Variants in BIRC6 observed in about 807,000 individuals in gnomAD.
BIRC6 encodes the protein baculoviral IAP repeat containing 6, also known as dual E2 ubiquitin-conjugating enzyme/E3 ubiquitin-protein ligase BIRC6.
Under a neutral mutation model 503.3 loss-of-function variants are expected in BIRC6, and 98 were observed. That is an observed-to-expected ratio of 0.19 (90% CI 0.17 to 0.23). The LOEUF is 0.23. Among genes scored for constraint, BIRC6 ranks in the 10% least tolerant of loss-of-function variants. The pLI, the probability that BIRC6 is intolerant of heterozygous loss-of-function variation, is 1.00. For missense variants in BIRC6, 5,360 were observed against 5,806.0 expected (o/e 0.92, Z 2.50); for synonymous variants, 2,240 against 2,078.7 (o/e 1.08, Z -2.11).
At chr2:32,490,456 A>G (rs1299015728) in intron 43 of BIRC6, among the ~76,000 whole-genome samples, 1 of 152,148 alleles carries the variant, frequency 6.6e-6, no homozygotes, top group Admixed American at 6.5e-5. Flanking sequence ...AATCACTTGA[A>G]CCTGGAAGGC....
chr2:32,367,909 A>G (rs966341340), intron 1 of BIRC6, among the ~76,000 whole-genome samples: 1 of 152,172 alleles, frequency 6.6e-6, no homozygotes, highest in Non-Finnish European at 1.5e-5. Flanking sequence ...TACTATGTTT[A>G]CTTTTTAGAG....
chr2:32,442,286 G>A lies in BIRC6; in HGVS notation c.4107-38G>A, dbSNP rs191860438. 549 of 1,609,554 alleles carry A rather than the reference G, an allele frequency of 3.4e-4. 3 individuals are homozygous for A. Among genetic ancestry groups the A allele is most frequent in the East Asian group, 1.3e-4 (6 of 44,830 alleles). On this transcript the variant is annotated intron_variant, in intron 18 of 73. Coordinates refer to ENST00000421745, the MANE Select transcript of BIRC6 (RefSeq NM_016252.4). ...TGCCTTTTAGATGTTATGATTGAAA[G>A]TTCAGGATGAGTCTAAATGTCTGCT...
In BIRC6 at chr2:32,464,999, A is replaced by G. The variant is rs2048369434; in HGVS notation, c.5257-66A>G. On this transcript the variant is annotated intron_variant, in intron 25 of 73. Coordinates refer to ENST00000421745, the MANE Select transcript of BIRC6 (RefSeq NM_016252.4). The stretch of plus-strand genomic sequence containing the variant: ...AACTTATTAATTTGCTATTATGGTT[A>G]GTAGTTTTTATAGAACTATAGTAAT... The G allele has an allele frequency of 5.3e-6, 7 of 1,318,692 alleles. No individual in the cohort carries two copies. The South Asian group carries it at 8.4e-5, about 16-fold the overall frequency. 81.7% of individuals were successfully genotyped at this position (1,318,692 alleles called of 1,614,324 possible).
intron 22 of BIRC6, among the ~76,000 whole-genome samples, chr2:32,451,188 A>G (rs938357715): frequency 6.6e-6 from 1 of 152,208 alleles, no homozygotes; most frequent in African/African-American, 2.4e-5. Flanking sequence ...TCCTTAGAGT[A>G]CTTTTCAGGT....
At chr2:32,574,621 A>G (rs2060139299) in intron 65 of BIRC6, 1 of 159,880 alleles carries the variant, frequency 6.3e-6, no homozygotes. Context: ...AAAAGTCTTC[A>G]TACTCAGAGT....
rs1038685391 is a variant in BIRC6 at position 32,402,645 on chromosome 2, A to G, written c.1418+1022A>G. On this transcript the variant is annotated intron_variant, in intron 8 of 73. Coordinates refer to ENST00000421745, the MANE Select transcript of BIRC6 (RefSeq NM_016252.4). ...AAAGCCTTGTGGTTGTTCTATTAAT[A>G]TAAATCTCTGTGAAAGCTTAATGGG... 5.3e-5 allele frequency among the ~76,000 whole-genome samples: 8 copies of G among 152,354 alleles called. No homozygotes were observed. In the South Asian group the frequency reaches 1.7e-3, roughly 32 times the overall value.
Position 32,545,677 on chromosome 2 carries a change from T to A in BIRC6, c.12627T>A (p.Leu4209=). ...TTCAATCTCCATCAGCCAATGTGCT[T>A]CCAACCCTTCCTTTCCACGTCCTTC... ...HILQSPSANV[L]PTLPFHVLRS... is the part of the protein sequence containing the mutation. The change falls in exon 63 of 74, where the codon CTT becomes CTA. Residue 4209 remains leucine, a synonymous_variant. Transcript: ENST00000421745. 1 of 1,613,900 alleles carries A rather than the reference T, an allele frequency of 6.2e-7. No individual in the cohort carries two copies. Among genetic ancestry groups the A allele is most frequent in the Non-Finnish European group, 8.5e-7 (1 of 1,179,798 alleles).
At chr2:32,510,993 T>A (rs191363794) in intron 53 of BIRC6, among the ~76,000 whole-genome samples, 1 of 152,178 alleles carries the variant, frequency 6.6e-6, no homozygotes, top group Non-Finnish European at 1.5e-5. Context: ...TATGTGTATA[T>A]GAATGTAGGG....
At chr2:32,549,609 T>C (rs985697370) in intron 65 of BIRC6, 128 bp downstream of exon 65, 10 of 919,860 alleles carry the variant, frequency 1.1e-5, no homozygotes, top group Non-Finnish European at 1.5e-5. Context: ...TGGAAATATT[T>C]AGTTGGTTTT....
At chr2:32,525,770 C>G in intron 59 of BIRC6, 142 bp downstream of exon 59, 1 of 756,500 alleles carries the variant, frequency 1.3e-6, no homozygotes, top group Non-Finnish European at 2.1e-6. Context: ...CCATACAGTT[C>G]CTCCGAAGAG....
At chr2:32,446,553 G>C (rs2045962992) in intron 21 of BIRC6, among the ~76,000 whole-genome samples, 1 of 152,004 alleles carries the variant, frequency 6.6e-6, no homozygotes, top group Admixed American at 6.6e-5. Context: ...TCACGGGAGA[G>C]AATGGTGCCT....
At chr2:32,358,646 A>C in intron 1 of BIRC6, among the ~76,000 whole-genome samples, 1 of 152,250 alleles carries the variant, frequency 6.6e-6, no homozygotes, top group East Asian at 1.9e-4. Flanking sequence ...AACAAGGAAA[A>C]GTTTACTATG....
intron 43 of BIRC6, 143 bp from the exon 44 acceptor site, chr2:32,491,282 T>G (rs565925663): frequency 1.3e-6 from 1 of 776,476 alleles, no homozygotes; most frequent in Admixed American, 3.1e-5. Flanking sequence ...TTAGTCAATA[T>G]AGTAGAAACT....
intron 1 of BIRC6, among the ~76,000 whole-genome samples, chr2:32,377,215 G>A (rs1426745335): frequency 2.0e-4 from 22 of 112,054 alleles, no homozygotes; most frequent in African/African-American, 7.6e-4. Context: ...TAATATATAT[G>A]TGTGTGTGTG....
rs2062876736 is a variant in BIRC6 at position 32,611,600 on chromosome 2, A to AC, written c.14394+19dup. On this transcript the variant is annotated intron_variant, in intron 73 of 73. Coordinates refer to ENST00000421745, the MANE Select transcript of BIRC6 (RefSeq NM_016252.4). ...CTCTCAAGGTGAGTAAGCCTCTCTA[A>AC]CAGGAGCCTTGTTGCTTTAAGAGTT... is the stretch of plus-strand genomic sequence containing the variant. 1.3e-6 allele frequency: 2 copies of AC among 1,537,318 alleles called. No homozygotes were observed. The highest frequency in any genetic ancestry group is 2.6e-5 in the South Asian group (2 of 77,380).
At chr2:32,509,674 A>G in intron 51 of BIRC6, 64 bp from the exon 52 acceptor site, 1 of 1,568,970 alleles carries the variant, frequency 6.4e-7, no homozygotes, top group South Asian at 1.1e-5. Flanking sequence ...TTAAAAAGTT[A>G]TGTTCTACCC....
At position 32,523,682 on chromosome 2, in the gene BIRC6, G is replaced by C. The variant is rs572247514; in HGVS notation, c.11624-1206G>C. On this transcript the variant is annotated intron_variant, in intron 57 of 73. Coordinates refer to ENST00000421745, the MANE Select transcript of BIRC6 (RefSeq NM_016252.4). ...CTGTAAAATGAGAGTTATTACAAAA[G>C]ATGTTGTTTATTGTTTTATTGTCTC... 5 of 152,272 alleles carry C rather than the reference G, an allele frequency of 3.3e-5. No individual in the cohort carries two copies. In the East Asian group the frequency reaches 9.6e-4, roughly 29 times the overall value. The allele number at this position is 152,272 out of a possible 1,614,324, so 9.4% of individuals were successfully genotyped here. A position where few individuals can be genotyped will look rare whatever the true frequency, so the allele number is the denominator to read the frequency against.
intron 65 of BIRC6, among the ~76,000 whole-genome samples, chr2:32,568,698 G>T (rs2150897511): frequency 6.6e-6 from 1 of 151,480 alleles, no homozygotes; most frequent in South Asian, 2.1e-4. Flanking sequence ...ACAAAAATTA[G>T]TCCGGCATGG....
intron 1 of BIRC6, among the ~76,000 whole-genome samples, chr2:32,367,365 G>A (rs2035099977): frequency 6.6e-6 from 1 of 152,044 alleles, no homozygotes; most frequent in African/African-American, 2.4e-5. Flanking sequence ...GGGAGGCTGA[G>A]GCAGGAGAAT....
Sources: allele counts gnomAD v4.1 joint callset (sites outside exome capture counted in the v4.1 genomes callset), GRCh38; gene constraint gnomAD v4.1.1; transcripts MANE v1.5; gene names NCBI Gene and HGNC (gene_info 2026-07-23, HGNC 2026-07-21).